EPHA7: variants seen among roughly 807,000 people sequenced by gnomAD.
EPHA7 encodes ephrin type-A receptor 7.
A neutral mutation model predicts 112.6 loss-of-function variants in EPHA7; 25 were observed. The observed-to-expected ratio is 0.22, with a 90% CI of 0.16 to 0.31. The LOEUF (loss-of-function observed/expected upper bound fraction) is 0.31. Ranked by LOEUF, EPHA7 falls within the 10% of genes least tolerant of loss-of-function variation. The probability of loss-of-function intolerance (pLI) is 1.00; values close to 1 mark genes in which losing one functional copy is unlikely to be tolerated. For synonymous variants in EPHA7, 437 were observed against 406.5 expected (o/e 1.07, Z -0.90); for missense variants, 962 against 1,212.6 (o/e 0.79, Z 3.07).
chr6:93,338,453 T>C (rs531036336), intron 5 of EPHA7, among the ~76,000 whole-genome samples: 1 of 152,056 alleles, frequency 6.6e-6, no homozygotes, highest in East Asian at 1.9e-4. Context: ...GTGATTCCTA[T>C]GTCACCTCTG....
At chr6:93,289,001 A>T (rs1306307001) in intron 5 of EPHA7, among the ~76,000 whole-genome samples, 6 of 152,208 alleles carry the variant, frequency 3.9e-5, no homozygotes, top group Non-Finnish European at 7.4e-5. Flanking sequence ...TTATCACAGC[A>T]TGCAACTTTA....
At chr6:93,295,817 T>C (rs1404909211) in intron 5 of EPHA7, among the ~76,000 whole-genome samples, 2 of 151,868 alleles carry the variant, frequency 1.3e-5, no homozygotes, top group South Asian at 2.1e-4. Flanking sequence ...ATGCCACTTA[T>C]CTTTCTGCTG....
intron 3 of EPHA7, among the ~76,000 whole-genome samples, chr6:93,400,835 C>T (rs1176723671): frequency 6.6e-6 from 1 of 151,980 alleles, no homozygotes; most frequent in African/African-American, 2.4e-5. Flanking sequence ...GCTGTGCCTA[C>T]CAAGAATGAT....
chr6:93,414,873 G>A (rs1779149698), intron 1 of EPHA7, 106 bp from the exon 2 acceptor site: 2 of 826,100 alleles, frequency 2.4e-6, no homozygotes, highest in Admixed American at 4.8e-5. Flanking sequence ...TATGACTTAA[G>A]ATCTGTAGTT....
intron 5 of EPHA7, among the ~76,000 whole-genome samples, chr6:93,304,853 T>C (rs115002962): frequency 0.016 from 2,504 of 152,132 alleles, 78 homozygotes; most frequent in African/African-American, 0.057. Flanking sequence ...ACAGATGGTG[T>C]TCTGTTTGGA....
chr6:93,411,207 A>G, intron 2 of EPHA7, 37 bp from the exon 3 acceptor site: 2 of 1,548,128 alleles, frequency 1.3e-6, no homozygotes, highest in Non-Finnish European at 8.8e-7. Context: ...GTCATTCAGC[A>G]AAAAATAACA....
intron 13 of EPHA7, among the ~76,000 whole-genome samples, 176 bp downstream of exon 13, chr6:93,255,650 ATT>A (rs1169578365): frequency 1.3e-5 from 2 of 151,978 alleles, no homozygotes; most frequent in African/African-American, 2.4e-5. Context: ...CTATATATAT[ATT>A]GTACAAACAA....
In EPHA7 at chr6:93,242,324, A is replaced by T. The variant is rs1769723479; in HGVS notation, c.*1102T>A. 5.0e-6 allele frequency: 1 copy of T among 201,738 alleles called. No individual in the cohort carries two copies. The highest frequency in any genetic ancestry group is 1.0e-5 in the Non-Finnish European group (1 of 97,770). The allele number at this position is 201,738 out of a possible 1,614,324, so 12.5% of individuals were successfully genotyped here. A position where few individuals can be genotyped will look rare whatever the true frequency, so the allele number is the denominator to read the frequency against. Reference sequence around the variant, plus strand: ...AGCAAATTTGTGTTTAAATGGTGAAAATTGTGAACTGCCCCTTTATCATGC... The same window carrying T: ...AGCAAATTTGTGTTTAAATGGTGAATATTGTGAACTGCCCCTTTATCATGC... On this transcript the variant is annotated 3_prime_UTR_variant, in exon 17 of 17. Transcript: ENST00000369303.
chr6:93,294,875 T>A (rs2127841623), intron 5 of EPHA7, among the ~76,000 whole-genome samples: 1 of 152,212 alleles, frequency 6.6e-6, no homozygotes, highest in East Asian at 1.9e-4. Context: ...ACTGAATTTA[T>A]CTGAAATATG....
intron 3 of EPHA7, among the ~76,000 whole-genome samples, chr6:93,377,668 T>C (rs1021050391): frequency 1.5e-4 from 23 of 152,096 alleles, no homozygotes; most frequent in African/African-American, 5.3e-4. Context: ...GAAGAAAATC[T>C]CCCTCCAAAT....
At chr6:93,293,700 CT>C (rs1453920099) in intron 5 of EPHA7, among the ~76,000 whole-genome samples, 2 of 152,112 alleles carry the variant, frequency 1.3e-5, no homozygotes, top group Non-Finnish European at 2.9e-5. Flanking sequence ...TAACTCGATA[CT>C]TACAAATGTG....
At chr6:93,377,585 C>T (rs1379236590) in intron 3 of EPHA7, among the ~76,000 whole-genome samples, 5 of 151,346 alleles carry the variant, frequency 3.3e-5, no homozygotes, top group Non-Finnish European at 7.4e-5. Context: ...TTTAAGTTGA[C>T]AGAACTATTG....
chr6:93,396,961 G>A (rs1778206818), intron 3 of EPHA7, among the ~76,000 whole-genome samples: 1 of 151,506 alleles, frequency 6.6e-6, no homozygotes, highest in African/African-American at 2.4e-5. Flanking sequence ...CTATTAATGA[G>A]CTTAATTAAA....
At position 93,419,304 on chromosome 6, in the gene EPHA7, A is replaced by G. The variant is rs779195088; in HGVS notation, c.38T>C (p.Leu13Ser). ...AAAGCGGAGCAGCCAGATGTAGCAT[A>G]AAATAATCCATGAAGGGTACCGAGT... is the stretch of plus-strand genomic sequence containing the variant. ...FQTRYPSWII[L>S]CYIWLLRFAH... Residue 13 changes from leucine to serine, a missense_variant, in exon 1 of 17, where the codon TTA (leucine) becomes TCA (serine). Leu to Ser is a moderately radical substitution (Grantham distance 145). Coordinates refer to ENST00000369303, the MANE Select transcript of EPHA7 (RefSeq NM_004440.4). 1.9e-6 allele frequency: 3 copies of G among 1,614,174 alleles called. No homozygotes were observed. Among genetic ancestry groups the G allele is most frequent in the Non-Finnish European group, 2.5e-6 (3 of 1,180,002 alleles).
chr6:93,391,234 A>G (rs548667058), intron 3 of EPHA7, among the ~76,000 whole-genome samples: 1 of 152,028 alleles, frequency 6.6e-6, no homozygotes, highest in East Asian at 1.9e-4. Context: ...GAAAGATGGA[A>G]CTACACCTTG....
intron 5 of EPHA7, among the ~76,000 whole-genome samples, chr6:93,346,876 G>T (rs1025751328): frequency 1.3e-5 from 2 of 151,618 alleles, no homozygotes; most frequent in African/African-American, 2.4e-5. Flanking sequence ...TTACTCTAAA[G>T]TGGCTATTTA....
At position 93,399,906 on chromosome 6, in the gene EPHA7, CTAATT is replaced by C. The variant is rs766658816; in HGVS notation, c.832+10590_832+10594del. The stretch of plus-strand genomic sequence containing the variant: ...AAAATAAAAAGACTAAAAAAACCCT[CTAATT>C]TATCTTTGATGATCTTTAAGGCACA... On this transcript the variant is annotated intron_variant, in intron 3 of 16. Transcript: ENST00000369303. 5.9e-5 allele frequency among the ~76,000 whole-genome samples: 9 copies of C among 152,104 alleles called. No homozygotes were observed. In the South Asian group the frequency reaches 1.0e-3, roughly 18 times the overall value.
chr6:93,328,251 T>A (rs1774418360), intron 5 of EPHA7, among the ~76,000 whole-genome samples: 1 of 151,584 alleles, frequency 6.6e-6, no homozygotes, highest in Non-Finnish European at 1.5e-5. Context: ...CCTATGTATT[T>A]TGTTTGAACA....
At chr6:93,283,038 C>G (rs374949) in intron 5 of EPHA7, among the ~76,000 whole-genome samples, 20 of 152,274 alleles carry the variant, frequency 1.3e-4, no homozygotes, top group Non-Finnish European at 2.4e-4. Flanking sequence ...GGCCCCGGTG[C>G]GGGATCCATT....
Sources: allele counts gnomAD v4.1 joint callset (sites outside exome capture counted in the v4.1 genomes callset), GRCh38; gene constraint gnomAD v4.1.1; transcripts MANE v1.5; gene names NCBI Gene and HGNC (gene_info 2026-07-23, HGNC 2026-07-21).